FBXO4: variants seen among roughly 807,000 people sequenced by gnomAD.
FBXO4 encodes F-box protein 4, also known as F-box only protein 4.
A neutral mutation model predicts 43.7 loss-of-function variants in FBXO4; 36 were observed. The observed-to-expected ratio is 0.82, with a 90% confidence interval of 0.63 to 1.09. FBXO4 has a LOEUF of 1.09. Among genes scored for constraint, FBXO4 ranks in the 50% least tolerant of loss-of-function variants. FBXO4 has a pLI of 0.00. For missense variants in FBXO4, 435 were observed against 474.1 expected, an observed-to-expected ratio of 0.92 and a Z score of 0.77; for synonymous variants, 180 against 165.6, an observed-to-expected ratio of 1.09 and a Z score of -0.67.
the FBXO4 span, among the ~76,000 whole-genome samples, chr5:42,015,757 G>C: frequency 6.6e-6 from 1 of 151,922 alleles, no homozygotes; most frequent in African/African-American, 2.4e-5. Context: ...GAGGATTTAA[G>C]TGTGTTTTTA....
the FBXO4 span, among the ~76,000 whole-genome samples, chr5:42,001,780 C>T: frequency 8.5e-5 from 13 of 152,176 alleles, no homozygotes; most frequent in Admixed American, 3.9e-4. Flanking sequence ...CAAACTCTGC[C>T]TCCTGGGTTC....
At chr5:41,947,970 G>T in the FBXO4 span, among the ~76,000 whole-genome samples, 8 of 152,082 alleles carry the variant, frequency 5.3e-5, no homozygotes, top group African/African-American at 1.4e-4. Flanking sequence ...TTATTCAATA[G>T]AACTCTCTAC....
chr5:42,029,900 G>T, the FBXO4 span, among the ~76,000 whole-genome samples: 6 of 151,860 alleles, frequency 4.0e-5, no homozygotes, highest in Non-Finnish European at 8.8e-5. Context: ...CCTCAACACA[G>T]ATATTTCTAA....
At chr5:42,014,963 T>C in the FBXO4 span, among the ~76,000 whole-genome samples, 1 of 152,122 alleles carries the variant, frequency 6.6e-6, no homozygotes, top group Non-Finnish European at 1.5e-5. Context: ...TATTAGAATA[T>C]AATCTATATT....
the FBXO4 span, among the ~76,000 whole-genome samples, chr5:41,975,001 T>C: frequency 2.0e-5 from 3 of 152,166 alleles, no homozygotes; most frequent in Non-Finnish European, 4.4e-5. Context: ...ATGGTCCCAG[T>C]GCCATTCTGC....
chr5:41,967,343 T>G, the FBXO4 span: 1 of 461,832 alleles, frequency 2.2e-6, no homozygotes, highest in Non-Finnish European at 4.2e-6. Flanking sequence ...GTTTAGCAGT[T>G]ACAGGATCTT....
chr5:41,952,721 T>C, the FBXO4 span, among the ~76,000 whole-genome samples: 3 of 152,212 alleles, frequency 2.0e-5, no homozygotes, highest in African/African-American at 7.2e-5. Context: ...AATCATAAAA[T>C]ATGTAATATT....
chr5:41,954,875 T>C, the FBXO4 span, among the ~76,000 whole-genome samples: 1 of 152,190 alleles, frequency 6.6e-6, no homozygotes, highest in Non-Finnish European at 1.5e-5. Flanking sequence ...TGATAGATAA[T>C]GTGTGTGTCT....
chr5:41,989,933 G>A, the FBXO4 span, among the ~76,000 whole-genome samples: 3 of 152,094 alleles, frequency 2.0e-5, no homozygotes, highest in Admixed American at 6.6e-5. Flanking sequence ...GGGGAAATAC[G>A]GCAGGGACCG....
At chr5:42,014,034 G>A in the FBXO4 span, among the ~76,000 whole-genome samples, 29 of 152,204 alleles carry the variant, frequency 1.9e-4, no homozygotes, top group East Asian at 4.6e-3. Flanking sequence ...CAAGAAAGGC[G>A]GAAATATCAA....
chr5:41,974,390 C>T, the FBXO4 span, among the ~76,000 whole-genome samples: 1 of 152,024 alleles, frequency 6.6e-6, no homozygotes, highest in Non-Finnish European at 1.5e-5. Context: ...CTCTTGGATG[C>T]TCTCTTCTTG....
At chr5:41,981,449 T>C in the FBXO4 span, among the ~76,000 whole-genome samples, 1 of 151,910 alleles carries the variant, frequency 6.6e-6, no homozygotes, top group South Asian at 2.1e-4. Context: ...TTATGGATTT[T>C]TTGGGTTTGG....
the FBXO4 span, among the ~76,000 whole-genome samples, chr5:41,979,238 T>C: frequency 9.2e-5 from 14 of 152,320 alleles, no homozygotes; most frequent in African/African-American, 2.9e-4. Context: ...TCTCAAGTTG[T>C]TGGATTAAAG....
At chr5:42,010,438 G>T in the FBXO4 span, among the ~76,000 whole-genome samples, 3 of 151,636 alleles carry the variant, frequency 2.0e-5, no homozygotes, top group African/African-American at 7.3e-5. Context: ...AACCTGGGCA[G>T]CAGAGGTTGT....
At chr5:42,006,004 A>G in the FBXO4 span, among the ~76,000 whole-genome samples, 1 of 152,096 alleles carries the variant, frequency 6.6e-6, no homozygotes, top group Non-Finnish European at 1.5e-5. Flanking sequence ...ATTGAGTGCT[A>G]TCATGTAACT....
At chr5:42,010,736 G>T in the FBXO4 span, among the ~76,000 whole-genome samples, 3 of 152,042 alleles carry the variant, frequency 2.0e-5, no homozygotes, top group African/African-American at 7.2e-5. Flanking sequence ...TGCACTTTAT[G>T]ATAATTCTGT....
the FBXO4 span, among the ~76,000 whole-genome samples, chr5:41,981,726 G>GTT: frequency 7.4e-6 from 1 of 134,444 alleles, no homozygotes; most frequent in Non-Finnish European, 1.6e-5. Flanking sequence ...TTGGTTTTTG[G>GTT]TTTTTTTTTT....
At chr5:41,948,876 G>A in the FBXO4 span, among the ~76,000 whole-genome samples, 3 of 151,950 alleles carry the variant, frequency 2.0e-5, no homozygotes, top group Admixed American at 6.6e-5. Context: ...CTATCAGGTC[G>A]GCTTCATCCT....
chr5:41,937,783 G>A (rs556719866), intron 5 of FBXO4, among the ~76,000 whole-genome samples: 4 of 152,302 alleles, frequency 2.6e-5, no homozygotes, highest in South Asian at 2.1e-4. Flanking sequence ...AAAGGGAAGC[G>A]GGAGACAAAC....
Sources: gnomAD v4.1 joint callset for allele counts (sites outside exome capture counted in the v4.1 genomes callset) on GRCh38, gnomAD v4.1.1 for gene constraint, MANE v1.5 for transcripts, NCBI Gene and HGNC (gene_info 2026-07-23, HGNC 2026-07-21) for gene names.